Variants in ASB18 observed in about 807,000 individuals in gnomAD.
The protein encoded by ASB18 is ankyrin repeat and SOCS box containing 18.
In ASB18, 33 loss-of-function variants were observed where a neutral mutation model predicts 33.4. The observed-to-expected ratio is 0.99, with a 90% CI of 0.75 to 1.32. The LOEUF (loss-of-function observed/expected upper bound fraction) is 1.32. Ranked by LOEUF, ASB18 falls within the 40% of genes most tolerant of loss-of-function variation. The probability of loss-of-function intolerance (pLI) is 0.00; values close to 1 mark genes in which losing one functional copy is unlikely to be tolerated. For synonymous variants in ASB18, 295 were observed against 307.6 expected, an observed-to-expected ratio of 0.96 and a Z score of 0.43; for missense variants, 694 against 655.5, an observed-to-expected ratio of 1.06 and a Z score of -0.64.
In ASB18 at chr2:236,244,096, G is replaced by T. The variant is rs187954811; in HGVS notation, c.206-2694C>A. On this transcript the variant is annotated intron_variant, in intron 1 of 5. Transcript: ENST00000409749. This position sits in a 1 kb window ranked among gnomAD's most constrained non-coding sequence, Gnocchi z 6.1. ...CCCACTTCGGCCTCCCAAGTGCTGG[G>T]ATTACAGGTGTGAGCCACCGTGCCC... Among the ~76,000 whole-genome samples the T allele has an allele frequency of 2.0e-5, 3 of 152,352 alleles. 1 individual carries two copies. Among genetic ancestry groups the T allele is most frequent in the African/African-American group, 7.2e-5 (3 of 41,586 alleles).
At chr2:236,198,674 A>T (rs1408217893) in intron 4 of ASB18, among the ~76,000 whole-genome samples, 1 of 152,098 alleles carries the variant, frequency 6.6e-6, no homozygotes, top group Non-Finnish European at 1.5e-5. Context: ...CCCAATATGG[A>T]CTATTTACTT....
Position 236,214,630 on chromosome 2 carries a change from A to G in ASB18, c.833T>C (p.Leu278Pro). ...CGCCTCCGCCCCGCGCCGCAGCAGC[A>G]GCGCGCACAGGCGCAGGCAGCGCCC... ...EHGRCLRLCA[L>P]LLRRGAEADA... The change falls in exon 4 of 6, where the codon CTG becomes CCG. Residue 278 changes from leucine to proline, a missense_variant. Physicochemically the swap from Leu to Pro is moderately conservative, Grantham distance 98. Transcript: ENST00000409749. The surrounding 1 kb of genome is among the most constrained non-coding windows in gnomAD (Gnocchi z 6.5). The G allele has an allele frequency of 1.7e-6, 2 of 1,187,172 alleles. No individual in the cohort carries two copies. Among genetic ancestry groups the G allele is most frequent in the Middle Eastern group, 3.5e-4 (1 of 2,880 alleles). 73.5% of individuals were successfully genotyped at this position (1,187,172 alleles called of 1,614,324 possible).
Position 236,196,141 on chromosome 2 carries a change from C to A in ASB18, c.1215+131G>T, listed in dbSNP as rs746896949. Reference sequence around the variant, plus strand: ...AAAAACCAGAAACGTGCAAATACACCCTCATTTCCCATTCTTCCTTTTTCA... The same window carrying A: ...AAAAACCAGAAACGTGCAAATACACACTCATTTCCCATTCTTCCTTTTTCA... On this transcript the variant is annotated intron_variant, in intron 5 of 5. Transcript: ENST00000409749. The surrounding 1 kb of genome is among the most constrained non-coding windows in gnomAD (Gnocchi z 5.6). 1.3e-5 allele frequency: 9 copies of A among 705,596 alleles called. No homozygotes were observed. Among genetic ancestry groups the A allele is most frequent in the South Asian group, 1.2e-4 (8 of 65,660 alleles). The allele number at this position is 705,596 out of a possible 1,614,324, so 43.7% of individuals were successfully genotyped here.
Position 236,241,616 on chromosome 2 carries a change from C to T in ASB18, c.206-214G>A. The T allele has an allele frequency of 1.5e-6, 1 of 658,214 alleles. No homozygotes were observed. Among genetic ancestry groups the T allele is most frequent in the Non-Finnish European group, 2.7e-6 (1 of 368,824 alleles). The allele number at this position is 658,214 out of a possible 1,614,324, so 40.8% of individuals were successfully genotyped here. A position where few individuals can be genotyped will look rare whatever the true frequency, so the allele number is the denominator to read the frequency against. On this transcript the variant is annotated intron_variant, in intron 1 of 5. Coordinates refer to ENST00000409749, the MANE Select transcript of ASB18 (RefSeq NM_212556.4). The surrounding 1 kb of genome is among the most constrained non-coding windows in gnomAD (Gnocchi z 4.2). ...CTATTGTCATTACTCAATTGTCATC[C>T]AGTTGGGGCTCGATGGTGGTATATT...
rs1461738341 is a variant in ASB18 at position 236,235,039 on chromosome 2, A to C, written c.596+2650T>G. 6.6e-6 allele frequency among the ~76,000 whole-genome samples: 1 copy of C among 152,236 alleles called. No individual in the cohort carries two copies. Among genetic ancestry groups the C allele is most frequent in the East Asian group, 1.9e-4 (1 of 5,204 alleles). ...GACTGGCAGGTAATACTTATCAATC[A>C]CATATCTCACAAGAGATTCATATCT... On this transcript the variant is annotated intron_variant, in intron 3 of 5. Coordinates refer to ENST00000409749, the MANE Select transcript of ASB18 (RefSeq NM_212556.4). This position sits in a 1 kb window ranked among gnomAD's most constrained non-coding sequence, Gnocchi z 6.2.
At chr2:236,198,144 C>T (rs1379790659) in intron 4 of ASB18, among the ~76,000 whole-genome samples, 1 of 152,086 alleles carries the variant, frequency 6.6e-6, no homozygotes, top group Non-Finnish European at 1.5e-5. Context: ...CTCCACAGCT[C>T]CAGACCTAAA....
chr2:236,253,266 A>C lies in ASB18; in HGVS notation c.205+10875T>G, dbSNP rs1217733322. Among the ~76,000 whole-genome samples, 1 of 152,290 alleles carries C rather than the reference A, an allele frequency of 6.6e-6. No individual in the cohort carries two copies. Among genetic ancestry groups the C allele is most frequent in the African/African-American group, 2.4e-5 (1 of 41,564 alleles). ...GACTGCGGACTGAGGTGTTGTGGAG[A>C]TGTGGCTTGGACCAGAGTTTCTCAA... On this transcript the variant is annotated intron_variant, in intron 1 of 5. Transcript: ENST00000409749. This position sits in a 1 kb window ranked among gnomAD's most constrained non-coding sequence, Gnocchi z 5.4.
intron 4 of ASB18, among the ~76,000 whole-genome samples, chr2:236,206,160 T>C (rs1305199645): frequency 6.6e-6 from 1 of 151,824 alleles, no homozygotes; most frequent in Non-Finnish European, 1.5e-5. Flanking sequence ...CTATCCTTTA[T>C]TACCATCACT....
At chr2:236,254,354 A>G (rs1057074312) in intron 1 of ASB18, among the ~76,000 whole-genome samples, 1 of 151,760 alleles carries the variant, frequency 6.6e-6, no homozygotes, top group African/African-American at 2.4e-5. Flanking sequence ...TCTGCTCTCT[A>G]TTCTCAGAGT....
Position 236,221,470 on chromosome 2 carries a change from C to T in ASB18, c.597-6604G>A, listed in dbSNP as rs778787250. On this transcript the variant is annotated intron_variant, in intron 3 of 5. Coordinates refer to ENST00000409749, the MANE Select transcript of ASB18 (RefSeq NM_212556.4). The surrounding 1 kb of genome is among the most constrained non-coding windows in gnomAD (Gnocchi z 5.6). ...ATAATTGAATCATGGGGGTGGTTTC[C>T]TTCATACTGTTCTCTTGGTAGTGAA... Among the ~76,000 whole-genome samples the T allele has an allele frequency of 1.9e-4, 29 of 152,104 alleles. No homozygotes were observed. The highest frequency in any genetic ancestry group is 4.0e-4 in the Non-Finnish European group (27 of 68,014).
intron 4 of ASB18, among the ~76,000 whole-genome samples, chr2:236,202,570 C>A (rs912109132): frequency 6.6e-6 from 1 of 151,658 alleles, no homozygotes; most frequent in African/African-American, 2.4e-5. Context: ...CCTGTAATCC[C>A]AACACTTTGG....
At position 236,251,121 on chromosome 2, in the gene ASB18, TCTC is replaced by T. The variant is rs2060667049; in HGVS notation, c.206-9722_206-9720del. On this transcript the variant is annotated intron_variant, in intron 1 of 5. Coordinates refer to ENST00000409749, the MANE Select transcript of ASB18 (RefSeq NM_212556.4). This position sits in a 1 kb window ranked among gnomAD's most constrained non-coding sequence, Gnocchi z 5.3. The stretch of plus-strand genomic sequence containing the variant: ...CAGATAATGCAGAACAACAGTCACT[TCTC>T]ATTATTAATGTGATCTTATCCAAAG... Among the ~76,000 whole-genome samples, 2 of 152,214 alleles carry T rather than the reference TCTC, an allele frequency of 1.3e-5. No individual in the cohort carries two copies. The highest frequency in any genetic ancestry group is 4.8e-5 in the African/African-American group (2 of 41,462).
intron 4 of ASB18, among the ~76,000 whole-genome samples, chr2:236,202,814 T>TATATATATATATATATATATACACAC (rs1472095135): frequency 1.2e-4 from 15 of 126,570 alleles, no homozygotes; most frequent in African/African-American, 3.9e-4. Flanking sequence ...TATATATATA[T>TATATATATATATATATATATACACAC]ACACACACCT....
Position 236,248,526 on chromosome 2 carries a change from GAGGTT to G in ASB18, c.206-7129_206-7125del, listed in dbSNP as rs2060654312. On this transcript the variant is annotated intron_variant, in intron 1 of 5. Transcript: ENST00000409749. The surrounding 1 kb of genome is among the most constrained non-coding windows in gnomAD (Gnocchi z 4.9). ...GAGAATTGCTTGAACCTGGGAGGCA[GAGGTT>G]GTGGTGAGTTGAGATAATGCCACTG... is the stretch of plus-strand genomic sequence containing the variant. 1 of 151,914 alleles carries G rather than the reference GAGGTT, an allele frequency of 6.6e-6. No individual in the cohort carries two copies. Among genetic ancestry groups the G allele is most frequent in the African/African-American group, 2.4e-5 (1 of 41,322 alleles). 9.4% of individuals were successfully genotyped at this position (151,914 alleles called of 1,614,324 possible).
intron 1 of ASB18, among the ~76,000 whole-genome samples, chr2:236,247,125 CT>C (rs3033949): frequency 0.62 from 82,266 of 133,480 alleles, 26,472 homozygotes; most frequent in East Asian, 0.74. Context: ...GAAACAGACT[CT>C]TTTTTTTTTT....
chr2:236,214,572 C>A lies in ASB18; in HGVS notation c.891G>T (p.Leu297=). The change falls in exon 4 of 6, where the codon CTG becomes CTT. Residue 297 remains leucine, a synonymous_variant. Transcript: ENST00000409749. This position sits in a 1 kb window ranked among gnomAD's most constrained non-coding sequence, Gnocchi z 6.5. ...GGCTCGCGTGGCCGCAGGCTTTGTGCAGCGGGCTGCGCTCGTCCTCGTCGC... is the reference window on the plus strand; with the variant it reads ...GGCTCGCGTGGCCGCAGGCTTTGTGAAGCGGGCTGCGCTCGTCCTCGTCGC... ...DARDEDERSP[L]HKACGHASHS... 2 of 1,355,738 alleles carry A rather than the reference C, an allele frequency of 1.5e-6. No individual in the cohort carries two copies. Among genetic ancestry groups the A allele is most frequent in the Non-Finnish European group, 1.9e-6 (2 of 1,064,146 alleles). 84.0% of individuals were successfully genotyped at this position (1,355,738 alleles called of 1,614,324 possible). A position where few individuals can be genotyped will look rare whatever the true frequency, so the allele number is the denominator to read the frequency against.
In ASB18 at chr2:236,228,843, C is replaced by G. The variant is rs149736003; in HGVS notation, c.596+8846G>C. Among the ~76,000 whole-genome samples, 558 of 152,318 alleles carry G rather than the reference C, an allele frequency of 3.7e-3. 1 individual carries two copies. Among genetic ancestry groups the G allele is most frequent in the Non-Finnish European group, 6.0e-3 (409 of 68,028 alleles). On this transcript the variant is annotated intron_variant, in intron 3 of 5. Transcript: ENST00000409749. The surrounding 1 kb of genome is among the most constrained non-coding windows in gnomAD (Gnocchi z 5.1). Reference sequence around the variant, plus strand: ...AAAGGCAAGACCCAAAAGGATCAAACTATTTCCAAGTAACTTTACATTCCA... The same window carrying G: ...AAAGGCAAGACCCAAAAGGATCAAAGTATTTCCAAGTAACTTTACATTCCA...
rs768126404 is a variant in ASB18, at chr2:236,194,553, G to A, written c.*319C>T. ...TAAAGCTGGTTCCCTAGAACCTATCGAAGACCTTAAGTGAGGACTCACTGT... is the reference window on the plus strand; with the variant it reads ...TAAAGCTGGTTCCCTAGAACCTATCAAAGACCTTAAGTGAGGACTCACTGT... On this transcript the variant is annotated 3_prime_UTR_variant, in exon 6 of 6. Coordinates refer to ENST00000409749, the MANE Select transcript of ASB18 (RefSeq NM_212556.4). The surrounding 1 kb of genome is among the most constrained non-coding windows in gnomAD (Gnocchi z 4.5). Among the ~76,000 whole-genome samples, 10 of 152,166 alleles carry A rather than the reference G, an allele frequency of 6.6e-5. No homozygotes were observed. The highest frequency in any genetic ancestry group is 1.9e-4 in the East Asian group (1 of 5,202).
chr2:236,252,265 C>T lies in ASB18; in HGVS notation c.206-10863G>A, dbSNP rs190840622. On this transcript the variant is annotated intron_variant, in intron 1 of 5. Coordinates refer to ENST00000409749, the MANE Select transcript of ASB18 (RefSeq NM_212556.4). The surrounding 1 kb of genome is among the most constrained non-coding windows in gnomAD (Gnocchi z 7.9). ...CAGCCTTGGCAACAGAGTGAGACTC[C>T]GTCACACACACACACACACACACAC... Among the ~76,000 whole-genome samples, 4,679 of 76,452 alleles carry T rather than the reference C, an allele frequency of 0.061. 113 individuals are homozygous for T. Among genetic ancestry groups the T allele is most frequent in the Non-Finnish European group, 0.095 (3,209 of 33,850 alleles). 50.2% of individuals were successfully genotyped at this position (76,452 alleles called of 152,430 possible).
Sources: gnomAD v4.1 joint callset for allele counts (sites outside exome capture counted in the v4.1 genomes callset) on GRCh38, gnomAD v4.1.1 for gene constraint, Gnocchi (gnomAD v3.1) non-coding constraint, MANE v1.5 for transcripts, NCBI Gene and HGNC (gene_info 2026-07-23, HGNC 2026-07-21) for gene names.